BDP1: variants seen among roughly 807,000 people sequenced by gnomAD.
The protein encoded by BDP1 is transcription factor TFIIIB component B'' homolog.
BDP1 carries 169 observed loss-of-function variants against 266.6 expected under a neutral mutation model. That is an observed-to-expected ratio of 0.63 (90% CI 0.56 to 0.72). The LOEUF (loss-of-function observed/expected upper bound fraction) is 0.72, where lower values mean the gene tolerates loss of function less well. BDP1 is among the 30% of genes least tolerant of loss of function. The pLI is 0.00. For synonymous variants in BDP1, 1,090 were observed against 1,022.4 expected (o/e 1.07, Z -1.26); for missense variants, 3,015 against 3,053.8 (o/e 0.99, Z 0.30).
chr5:71,478,353 T>C (rs1762727959), intron 7 of BDP1, among the ~76,000 whole-genome samples: 2 of 152,228 alleles, frequency 1.3e-5, no homozygotes, highest in Admixed American at 6.5e-5. Flanking sequence ...AGAAAAAAGC[T>C]AGTTTTTAGC....
intron 2 of BDP1, among the ~76,000 whole-genome samples, chr5:71,460,367 G>A (rs750393377): frequency 2.6e-5 from 4 of 152,162 alleles, no homozygotes; most frequent in Non-Finnish European, 5.9e-5. Context: ...GTGACAGAGC[G>A]AGACTCCGTC....
intron 24 of BDP1, among the ~76,000 whole-genome samples, chr5:71,523,164 G>A (rs141142735): frequency 6.6e-6 from 1 of 152,120 alleles, no homozygotes; most frequent in Non-Finnish European, 1.5e-5. Context: ...TACTTCTATA[G>A]TTTTCAAAGA....
At chr5:71,520,747 A>C (rs929995272) in intron 22 of BDP1, among the ~76,000 whole-genome samples, 1 of 152,146 alleles carries the variant, frequency 6.6e-6, no homozygotes, top group African/African-American at 2.4e-5. Flanking sequence ...TGGAGTTTAT[A>C]TTCTAATTGA....
At position 71,549,519 on chromosome 5, in the gene BDP1, A is replaced by G. The variant is rs1561779882; in HGVS notation, c.6908A>G (p.Asp2303Gly). ...IPANAVEEFTDATAQFMPNPL... is the reference protein window; with the variant it reads ...IPANAVEEFTGATAQFMPNPL... Reference sequence around the variant, plus strand: ...GCCAATGCAGTAGAAGAATTTACTGATGCCACTGCACAGTTCATGCCAAAC... The same window carrying G: ...GCCAATGCAGTAGAAGAATTTACTGGTGCCACTGCACAGTTCATGCCAAAC... Residue 2303 changes from aspartate to glycine, a missense_variant, in exon 34 of 39, where the codon GAT becomes GGT. Physicochemically the swap from Asp to Gly is moderately conservative, Grantham distance 94. Coordinates refer to ENST00000358731, the MANE Select transcript of BDP1 (RefSeq NM_018429.3). 2 of 1,614,068 alleles carry G rather than the reference A, an allele frequency of 1.2e-6. No individual in the cohort carries two copies. The highest frequency in any genetic ancestry group is 1.7e-6 in the Non-Finnish European group (2 of 1,179,910).
intron 19 of BDP1, 48 bp downstream of exon 19, chr5:71,513,455 T>C: frequency 8.4e-7 from 1 of 1,190,798 alleles, no homozygotes; most frequent in Non-Finnish European, 1.2e-6. Flanking sequence ...TTTTTTTTTT[T>C]TTAAGTTATT....
Position 71,522,935 on chromosome 5 carries a change from C to A in BDP1, c.5373C>A (p.Leu1791=). The A allele has an allele frequency of 6.3e-7, 1 of 1,579,258 alleles. No homozygotes were observed. ...CTTCAGTTGTTGAAGAGCAATATCT[C>A]AATAAACTAACAAGGTAACATTTTA... is the stretch of plus-strand genomic sequence containing the variant. ...SPSSVVEEQY[L]NKLTSCPQPL... is the part of the protein sequence containing the mutation. Residue 1791 remains leucine, a synonymous_variant, in exon 24 of 39, where the codon CTC becomes CTA. Coordinates refer to ENST00000358731, the MANE Select transcript of BDP1 (RefSeq NM_018429.3).
At chr5:71,466,868 G>A (rs1304778988) in intron 5 of BDP1, among the ~76,000 whole-genome samples, 2 of 152,106 alleles carry the variant, frequency 1.3e-5, no homozygotes, top group Non-Finnish European at 2.9e-5. Flanking sequence ...AAACATAAAT[G>A]TAATACTGCT....
intron 13 of BDP1, among the ~76,000 whole-genome samples, chr5:71,499,214 C>G (rs570937952): frequency 6.6e-6 from 1 of 152,352 alleles, no homozygotes; most frequent in African/African-American, 2.4e-5. Context: ...ATTCTCCTGC[C>G]TCAGCCTTCC....
chr5:71,565,072 C>T lies in BDP1; in HGVS notation c.*187C>T, dbSNP rs1743945471. ...AAACATTTCTGAGGTTCCTTTCATT[C>T]TGACTGATTCAGCATTTTGCAAATA... On this transcript the variant is annotated 3_prime_UTR_variant, in exon 39 of 39. Coordinates refer to ENST00000358731, the MANE Select transcript of BDP1 (RefSeq NM_018429.3). 1 of 563,170 alleles carries T rather than the reference C, an allele frequency of 1.8e-6. No homozygotes were observed. The highest frequency in any genetic ancestry group is 1.9e-5 in the African/African-American group (1 of 52,552). The allele number at this position is 563,170 out of a possible 1,614,324, so 34.9% of individuals were successfully genotyped here.
chr5:71,477,660 GC>G (rs1762676180), intron 7 of BDP1, among the ~76,000 whole-genome samples: 2 of 138,582 alleles, frequency 1.4e-5, no homozygotes, highest in Admixed American at 1.5e-4. Context: ...ACTCTCTGTT[GC>G]CCAGGCTGGA....
chr5:71,467,634 C>A, intron 6 of BDP1, 147 bp downstream of exon 6: 1 of 642,166 alleles, frequency 1.6e-6, no homozygotes, highest in East Asian at 2.8e-5. Context: ...ATCTTATGCC[C>A]TCCATGGAAT....
rs372775955 is a variant in BDP1 at position 71,468,752 on chromosome 5, G to A, written c.919+1265G>A. 1.2e-4 allele frequency among the ~76,000 whole-genome samples: 18 copies of A among 151,026 alleles called. 1 individual carries two copies. Among genetic ancestry groups the A allele is most frequent in the African/African-American group, 4.1e-4 (17 of 41,106 alleles). On this transcript the variant is annotated intron_variant, in intron 6 of 38. Transcript: ENST00000358731. Reference sequence around the variant, plus strand: ...CTCCCGAGCAGCTGGGATTACAGGCGCCTGCCACCATGCCCAGCTAATTTT... The same window carrying A: ...CTCCCGAGCAGCTGGGATTACAGGCACCTGCCACCATGCCCAGCTAATTTT...
At chr5:71,574,823 A>G in the BDP1 span, among the ~76,000 whole-genome samples, 2 of 152,240 alleles carry the variant, frequency 1.3e-5, no homozygotes, top group Admixed American at 1.3e-4. Flanking sequence ...TTGGGAGCAC[A>G]ACTACATGGG....
chr5:71,466,767 A>G (rs1761934770), intron 5 of BDP1, among the ~76,000 whole-genome samples: 1 of 152,138 alleles, frequency 6.6e-6, no homozygotes, highest in Non-Finnish European at 1.5e-5. Flanking sequence ...TTAAAAGATG[A>G]TAAATTAGTA....
chr5:71,532,195 G>T, intron 25 of BDP1, 113 bp from the exon 26 acceptor site: 1 of 878,456 alleles, frequency 1.1e-6, no homozygotes. Context: ...ATGTATGAAT[G>T]TGGATTATTT....
downstream of BDP1, among the ~76,000 whole-genome samples, chr5:71,568,833 A>C (rs961162082): frequency 2.7e-5 from 4 of 150,110 alleles, no homozygotes; most frequent in African/African-American, 9.7e-5. Flanking sequence ...AAAATCAAGA[A>C]AATAAAAGTC....
intron 13 of BDP1, among the ~76,000 whole-genome samples, chr5:71,498,057 TCTC>T (rs1303419132): frequency 6.6e-6 from 1 of 152,006 alleles, no homozygotes; most frequent in East Asian, 1.9e-4. Flanking sequence ...TTCACGCCAT[TCTC>T]CTGCCTCAGC....
intron 20 of BDP1, 55 bp from the exon 21 acceptor site, chr5:71,516,006 G>A: frequency 1.5e-6 from 2 of 1,319,050 alleles, no homozygotes; most frequent in Non-Finnish European, 1.0e-6. Context: ...TTTTACATTA[G>A]TTTTCAGCTT....
intron 25 of BDP1, among the ~76,000 whole-genome samples, chr5:71,525,965 A>C (rs62360641): frequency 6.6e-6 from 1 of 151,022 alleles, no homozygotes; most frequent in Non-Finnish European, 1.5e-5. Context: ...CTGGGCAGCC[A>C]GGCTGAGAGG....
Sources: allele counts gnomAD v4.1 joint callset (sites outside exome capture counted in the v4.1 genomes callset), GRCh38; gene constraint gnomAD v4.1.1; transcripts MANE v1.5; gene names NCBI Gene and HGNC (gene_info 2026-07-23, HGNC 2026-07-21).